Variants in ZNF19 observed in about 807,000 individuals in gnomAD.
ZNF19 encodes zinc finger protein 19 (KOX 12).
In ZNF19, 11 loss-of-function variants were observed where a neutral mutation model predicts 13.1. The observed-to-expected ratio is 0.84, with a 90% confidence interval of 0.53 to 1.39. The LOEUF (loss-of-function observed/expected upper bound fraction) is 1.39, where lower values mean the gene tolerates loss of function less well. Ranked by LOEUF, ZNF19 falls within the 40% of genes most tolerant of loss-of-function variation. ZNF19 has a pLI of 0.00. For synonymous variants in ZNF19, 186 were observed against 187.0 expected, an observed-to-expected ratio of 0.99 and a Z score of 0.04; for missense variants, 560 against 547.0, an observed-to-expected ratio of 1.02 and a Z score of -0.24.
chr16:71,482,397 G>A (rs760665892), intron 2 of ZNF19: 14 of 359,692 alleles, frequency 3.9e-5, no homozygotes, highest in Admixed American at 1.2e-4. Context: ...TAAATGAAGA[G>A]CAAAACAAGC....
intron 4 of ZNF19, 88 bp downstream of exon 4, chr16:71,478,791 C>A: frequency 6.5e-7 from 1 of 1,534,914 alleles, no homozygotes. Context: ...CCTCTCCTCT[C>A]CACTCCACAC....
Position 71,475,405 on chromosome 16 carries a change from T to C in ZNF19, c.1142A>G (p.Gln381Arg), listed in dbSNP as rs145348244. The C allele has an allele frequency of 5.6e-6, 9 of 1,614,030 alleles. No individual in the cohort carries two copies. The African/African-American group carries it at 6.7e-5, about 12-fold the overall frequency. The change falls in exon 6 of 6, where the codon CAG (glutamine) becomes CGG (arginine). Residue 381 changes from glutamine to arginine, a missense_variant. Gln to Arg is a conservative substitution (Grantham distance 43). Transcript: ENST00000288177. ...CTCATCACATACATAGGAAGACTCC[T>C]GAGTATGAATTCTCAGATGCCTTTT... The part of the protein sequence containing the change: ...QLKRHLRIHT[Q>R]ESSYVCDECG...
In ZNF19 at chr16:71,476,150, G is replaced by A. The variant is rs760241995; in HGVS notation, c.397C>T (p.Arg133Cys). ...VPQRTDFPET[R>C]NVEKHQDIPT... ...ATGTCCTGGTGCTTTTCCACATTACGTGTTTCTGGGAAGTCAGTTCTCTGA... is the reference window on the plus strand; with the variant it reads ...ATGTCCTGGTGCTTTTCCACATTACATGTTTCTGGGAAGTCAGTTCTCTGA... The change falls in exon 6 of 6, where the codon CGT (arginine) becomes TGT (cysteine). Residue 133 changes from arginine to cysteine, a missense_variant. Arg to Cys is a radical substitution (Grantham distance 180, BLOSUM62 -3). Transcript: ENST00000288177. 11 of 1,613,986 alleles carry A rather than the reference G, an allele frequency of 6.8e-6. No individual in the cohort carries two copies. Among genetic ancestry groups the A allele is most frequent in the East Asian group, 4.5e-5 (2 of 44,902 alleles).
intron 2 of ZNF19, among the ~76,000 whole-genome samples, chr16:71,482,549 T>C (rs1294688776): frequency 6.6e-6 from 1 of 152,180 alleles, no homozygotes; most frequent in Admixed American, 6.5e-5. Context: ...ATTCTCTTAT[T>C]TAGTCCTCAC....
intron 1 of ZNF19, among the ~76,000 whole-genome samples, chr16:71,486,354 C>T (rs1424292184): frequency 1.3e-5 from 2 of 149,142 alleles, no homozygotes; most frequent in African/African-American, 5.1e-5. Context: ...AAGCGAGACC[C>T]TGTCAAAAAA....
intron 2 of ZNF19, chr16:71,482,372 T>A: frequency 2.3e-6 from 1 of 439,346 alleles, no homozygotes; most frequent in Non-Finnish European, 4.1e-6. Context: ...GAGCCTGTCC[T>A]CACCAACACC....
At position 71,474,995 on chromosome 16, in the gene ZNF19, T is replaced by C. The variant is rs1184639145; in HGVS notation, c.*175A>G. ...TGGGCGGGGGGAGAGTATTTGTTCCTATTAGCTCTTGCAATCCTGGGACTC... is the reference window on the plus strand; with the variant it reads ...TGGGCGGGGGGAGAGTATTTGTTCCCATTAGCTCTTGCAATCCTGGGACTC... On this transcript the variant is annotated 3_prime_UTR_variant, in exon 6 of 6. Coordinates refer to ENST00000288177, the MANE Select transcript of ZNF19 (RefSeq NM_006961.4). 40 of 770,018 alleles carry C rather than the reference T, an allele frequency of 5.2e-5. No homozygotes were observed. The East Asian group carries it at 1.1e-3, about 20-fold the overall frequency. 47.7% of individuals were successfully genotyped at this position (770,018 alleles called of 1,614,324 possible). A position where few individuals can be genotyped will look rare whatever the true frequency, so the allele number is the denominator to read the frequency against.
rs538785082 is a variant in ZNF19, at chr16:71,474,213, G to C, written c.*957C>G. ...AGTGTGTCTTATGACCAAGAACCAT[G>C]GCATTTCCTTGGCTCCCTAGCCAGG... On this transcript the variant is annotated 3_prime_UTR_variant, in exon 6 of 6. Coordinates refer to ENST00000288177, the MANE Select transcript of ZNF19 (RefSeq NM_006961.4). The C allele has an allele frequency of 6.6e-6, 1 of 152,330 alleles. No homozygotes were observed. The highest frequency in any genetic ancestry group is 6.5e-5 in the Admixed American group (1 of 15,300). The allele number at this position is 152,330 out of a possible 1,614,324, so 9.4% of individuals were successfully genotyped here.
At chr16:71,485,983 T>C (rs2145173732) in intron 1 of ZNF19, among the ~76,000 whole-genome samples, 1 of 152,160 alleles carries the variant, frequency 6.6e-6, no homozygotes, top group South Asian at 2.1e-4. Context: ...TGTGAGTACA[T>C]TAAGTTACAT....
At chr16:71,485,973 T>C (rs1331948860) in intron 1 of ZNF19, among the ~76,000 whole-genome samples, 1 of 152,096 alleles carries the variant, frequency 6.6e-6, no homozygotes, top group Non-Finnish European at 1.5e-5. Context: ...CTCTAGAACC[T>C]GTGAGTACAT....
chr16:71,476,101 C>A lies in ZNF19; in HGVS notation c.446G>T (p.Gly149Val). Reference sequence around the variant, plus strand: ...TGCACAGGGGATTCTTGGAACCTTTCCTTGGATATTTTTCACTGTGGGGAT... The same window carrying A: ...TGCACAGGGGATTCTTGGAACCTTTACTTGGATATTTTTCACTGTGGGGAT... Reference protein sequence around the residue: ...QDIPTVKNIQGKVPRIPCARK... With the variant: ...QDIPTVKNIQVKVPRIPCARK... Residue 149 changes from glycine (G) to valine (V), a missense_variant, in exon 6 of 6, where the codon GGA (glycine) becomes GTA (valine). Coordinates refer to ENST00000288177, the MANE Select transcript of ZNF19 (RefSeq NM_006961.4). The A allele has an allele frequency of 6.2e-7, 1 of 1,614,172 alleles. No individual in the cohort carries two copies. The highest frequency in any genetic ancestry group is 8.5e-7 in the Non-Finnish European group (1 of 1,180,024).
At chr16:71,482,324 A>C in intron 2 of ZNF19, 181 bp from the exon 3 acceptor site, 1 of 587,524 alleles carries the variant, frequency 1.7e-6, no homozygotes, top group East Asian at 2.9e-5. Flanking sequence ...CTGAGGAAAC[A>C]GATTTTGAAA....
At chr16:71,486,384 A>G (rs1597017122) in intron 1 of ZNF19, among the ~76,000 whole-genome samples, 1 of 152,090 alleles carries the variant, frequency 6.6e-6, no homozygotes, top group East Asian at 1.9e-4. Flanking sequence ...ATTATCTTGG[A>G]TTATTCAGGT....
chr16:71,488,743 G>A (rs1259885694), intron 1 of ZNF19, among the ~76,000 whole-genome samples: 1 of 151,922 alleles, frequency 6.6e-6, no homozygotes, highest in African/African-American at 2.4e-5. Flanking sequence ...AGGTTGCAGT[G>A]AGTAGAGATG....
chr16:71,478,501 C>T, intron 4 of ZNF19, 160 bp from the exon 5 acceptor site: 2 of 714,282 alleles, frequency 2.8e-6, no homozygotes, highest in South Asian at 3.0e-5. Context: ...GCATTTGTGA[C>T]TTCTTCCTAA....
In ZNF19 at chr16:71,476,384, G is replaced by C. The variant is rs564648802; in HGVS notation, c.275-112C>G. 32 of 1,257,266 alleles carry C rather than the reference G, an allele frequency of 2.5e-5. No homozygotes were observed. The South Asian group carries it at 4.4e-4, about 17-fold the overall frequency. 77.9% of individuals were successfully genotyped at this position (1,257,266 alleles called of 1,614,324 possible). On this transcript the variant is annotated intron_variant, in intron 5 of 5. Transcript: ENST00000288177. ...AGAGATCATTTCAACTTTCACATCA[G>C]CATGCTGGGAAGAAAAGGCTGTTAA...
At chr16:71,479,486 A>C (rs933968653) in intron 3 of ZNF19, among the ~76,000 whole-genome samples, 8 of 152,114 alleles carry the variant, frequency 5.3e-5, no homozygotes, top group African/African-American at 1.7e-4. Flanking sequence ...TGAAACAAGC[A>C]CAGAGTCATG....
In ZNF19 at chr16:71,478,307, A is replaced by C; in HGVS notation, c.195T>G (p.Leu65=). ...YPVPKPALIS[L]LERGDMAWGL... is the part of the protein sequence containing the mutation. The stretch of plus-strand genomic sequence containing the variant: ...CCCAAGCCATGTCCCCTCTCTCCAA[A>C]AGTGAGATCAGTGCAGGTTTGGGAA... The change falls in exon 5 of 6, where the codon CTT becomes CTG. Residue 65 remains leucine, a synonymous_variant. Coordinates refer to ENST00000288177, the MANE Select transcript of ZNF19 (RefSeq NM_006961.4). The C allele has an allele frequency of 6.2e-7, 1 of 1,613,948 alleles. No homozygotes were observed. The highest frequency in any genetic ancestry group is 8.5e-7 in the Non-Finnish European group (1 of 1,179,984).
intron 1 of ZNF19, 131 bp downstream of exon 1, chr16:71,489,141 G>A (rs1310716079): frequency 3.1e-6 from 2 of 653,950 alleles, no homozygotes; most frequent in Non-Finnish European, 3.8e-6. Context: ...GGTCCCACCC[G>A]GCCACAATTG....
Sources: gnomAD v4.1 joint callset for allele counts (sites outside exome capture counted in the v4.1 genomes callset) on GRCh38, gnomAD v4.1.1 for gene constraint, MANE v1.5 for transcripts, NCBI Gene and HGNC (gene_info 2026-07-23, HGNC 2026-07-21) for gene names.